EFHD2: variants seen among roughly 807,000 people sequenced by gnomAD.
EFHD2 encodes the protein EF-hand domain family member D2, also known as EF-hand domain-containing protein D2.
In EFHD2, 12 loss-of-function variants were observed where a neutral mutation model predicts 20.3. The ratio of observed to expected loss-of-function variants is 0.59; its 90% CI spans 0.38 to 0.96. The LOEUF is 0.96. EFHD2 is among the 40% of genes least tolerant of loss of function. The probability of loss-of-function intolerance (pLI) is 0.00; values close to 1 mark genes in which losing one functional copy is unlikely to be tolerated. For synonymous variants in EFHD2, 131 were observed against 143.9 expected (o/e 0.91, Z 0.64); for missense variants, 250 against 334.3 (o/e 0.75, Z 1.97).
At chr1:15,418,580 C>T (rs1355103100) in intron 1 of EFHD2, among the ~76,000 whole-genome samples, 1 of 152,108 alleles carries the variant, frequency 6.6e-6, no homozygotes, top group Non-Finnish European at 1.5e-5. Flanking sequence ...GCTGGGATTA[C>T]AGGCGGGAGC....
In EFHD2 at chr1:15,415,088, T is replaced by G. The variant is rs1707635118; in HGVS notation, c.308+4809T>G. 1.3e-5 allele frequency among the ~76,000 whole-genome samples: 2 copies of G among 152,190 alleles called. 1 individual carries two copies. The highest frequency in any genetic ancestry group is 4.8e-5 in the African/African-American group (2 of 41,444). On this transcript the variant is annotated intron_variant, in intron 1 of 3. Coordinates refer to ENST00000375980, the MANE Select transcript of EFHD2 (RefSeq NM_024329.6). Reference sequence around the variant, plus strand: ...GGCTGTTTGCATGATAGATGATGTTTTTGAAAAATACAAGGTTCTCGTATG... The same window carrying G: ...GGCTGTTTGCATGATAGATGATGTTGTTGAAAAATACAAGGTTCTCGTATG...
At position 15,427,261 on chromosome 1, in the gene EFHD2, G is replaced by T. The variant is rs1707887741; in HGVS notation, c.568G>T (p.Ala190Ser). ...CGTCTCCAGTGAGGGTGTCAAGGGGGCCAAGAGCTTCTTTGAGGCCAAGGT... is the reference window on the plus strand; with the variant it reads ...CGTCTCCAGTGAGGGTGTCAAGGGGTCCAAGAGCTTCTTTGAGGCCAAGGT... ...IDVSSEGVKG[A>S]KSFFEAKVQA... is the part of the protein sequence containing the mutation. Residue 190 changes from alanine (A) to serine (S), a missense_variant, in exon 3 of 4, where the codon GCC becomes TCC. Physicochemically the swap from Ala to Ser is moderately conservative, Grantham distance 99. Coordinates refer to ENST00000375980, the MANE Select transcript of EFHD2 (RefSeq NM_024329.6). 1 of 1,607,216 alleles carries T rather than the reference G, an allele frequency of 6.2e-7. No homozygotes were observed. The highest frequency in any genetic ancestry group is 1.3e-5 in the African/African-American group (1 of 75,030).
At chr1:15,412,096 A>T (rs926679877) in intron 1 of EFHD2, among the ~76,000 whole-genome samples, 1 of 151,946 alleles carries the variant, frequency 6.6e-6, no homozygotes, top group Admixed American at 6.6e-5. Context: ...AGAAAGTCCC[A>T]GGGCGCCCAC....
chr1:15,420,629 C>G (rs1156659795), intron 1 of EFHD2, among the ~76,000 whole-genome samples: 1 of 152,178 alleles, frequency 6.6e-6, no homozygotes, highest in Non-Finnish European at 1.5e-5. Context: ...AAGCAATTCT[C>G]CTGACTCAGC....
rs187596508 is a variant in EFHD2 at position 15,411,000 on chromosome 1, C to G, written c.308+721C>G. Among the ~76,000 whole-genome samples the G allele has an allele frequency of 3.0e-3, 453 of 152,120 alleles. 12 individuals carry two copies. Among genetic ancestry groups the G allele is most frequent in the Admixed American group, 0.025 (375 of 15,290 alleles). On this transcript the variant is annotated intron_variant, in intron 1 of 3. Coordinates refer to ENST00000375980, the MANE Select transcript of EFHD2 (RefSeq NM_024329.6). The stretch of plus-strand genomic sequence containing the variant: ...CAAATCCTTCACTCACAAGTGGTCT[C>G]CTTAGGAAGGGACCCCTCGGCCCCT...
intron 1 of EFHD2, among the ~76,000 whole-genome samples, chr1:15,414,853 G>A (rs990344560): frequency 1.3e-5 from 2 of 152,126 alleles, no homozygotes; most frequent in Non-Finnish European, 2.9e-5. Flanking sequence ...GAAGGCAGGT[G>A]GCACAAAAAA....
chr1:15,427,142 C>T lies in EFHD2; in HGVS notation c.457-8C>T, dbSNP rs530913208. 1.9e-5 allele frequency: 31 copies of T among 1,611,286 alleles called. No individual in the cohort carries two copies. Among genetic ancestry groups the T allele is most frequent in the East Asian group, 1.6e-4 (7 of 44,836 alleles). ...TCCTGACACCGCGCGCCTCCCTCCC[C>T]GCTGCAGTTCCTCCTGATCTTCCGC... On this transcript the variant is annotated splice_polypyrimidine_tract_variant and splice_region_variant and intron_variant, in intron 2 of 3. Coordinates refer to ENST00000375980, the MANE Select transcript of EFHD2 (RefSeq NM_024329.6).
At chr1:15,420,139 G>A (rs1362863523) in intron 1 of EFHD2, among the ~76,000 whole-genome samples, 1 of 152,230 alleles carries the variant, frequency 6.6e-6, no homozygotes, top group Non-Finnish European at 1.5e-5. Flanking sequence ...GCCTGTGGCA[G>A]AAGCCAGTGT....
At position 15,422,084 on chromosome 1, in the gene EFHD2, C is replaced by CT. The variant is rs1557500519; in HGVS notation, c.309-3787_309-3786insT. Among the ~76,000 whole-genome samples the CT allele has an allele frequency of 7.5e-3, 969 of 128,346 alleles. 10 individuals are homozygous for CT. Among genetic ancestry groups the CT allele is most frequent in the African/African-American group, 0.025 (864 of 34,714 alleles). The allele number at this position is 128,346 out of a possible 152,430, so 84.2% of individuals were successfully genotyped here. ...ACTGGCACTTGGGGCCAGGTCATTC[C>CT]ATTTTTTTTTTTTTTTTTTTTTTTT... On this transcript the variant is annotated intron_variant, in intron 1 of 3. Coordinates refer to ENST00000375980, the MANE Select transcript of EFHD2 (RefSeq NM_024329.6).
chr1:15,427,037 C>T (rs1707882009), intron 2 of EFHD2, 113 bp from the exon 3 acceptor site: 2 of 1,426,560 alleles, frequency 1.4e-6, no homozygotes, highest in South Asian at 1.4e-5. Context: ...CTCACTGCCC[C>T]CCAGTCCTTC....
chr1:15,428,486 G>A, intron 3 of EFHD2, 107 bp from the exon 4 acceptor site: 1 of 1,390,300 alleles, frequency 7.2e-7, no homozygotes, highest in Non-Finnish European at 9.6e-7. Flanking sequence ...GACAGAGCGA[G>A]ACTTTGTCTC....
chr1:15,428,553 A>G, intron 3 of EFHD2, 40 bp from the exon 4 acceptor site: 1 of 1,595,280 alleles, frequency 6.3e-7, no homozygotes, highest in Non-Finnish European at 8.5e-7. Context: ...CCCAACATAC[A>G]CCATCCAGCC....
rs935894510 is a variant in EFHD2 at position 15,413,865 on chromosome 1, C to T, written c.308+3586C>T. 1.3e-5 allele frequency among the ~76,000 whole-genome samples: 2 copies of T among 152,206 alleles called. No individual in the cohort carries two copies. The highest frequency in any genetic ancestry group is 2.4e-5 in the African/African-American group (1 of 41,440). On this transcript the variant is annotated intron_variant, in intron 1 of 3. Transcript: ENST00000375980. The surrounding 1 kb of genome is among the most constrained non-coding windows in gnomAD (Gnocchi z 4.4). ...GGAGGCTCTGCGTCTCCCTGGCCCT[C>T]GCAGCCAGGACTCTCCATCCCCGTC...
Position 15,428,622 on chromosome 1 carries a change from CGAG to C in EFHD2, c.628_630del (p.Glu210del), listed in dbSNP as rs1557503299. ...AGGCCATCAACGTGTCCAGCCGCTT[CGAG>C]GAGGAGATCAAGGCAGAGCAGGAGG... On this transcript the variant is annotated inframe_deletion, in exon 4 of 4. Coordinates refer to ENST00000375980, the MANE Select transcript of EFHD2 (RefSeq NM_024329.6). 6.8e-6 allele frequency: 11 copies of C among 1,611,250 alleles called. No individual in the cohort carries two copies. Among genetic ancestry groups the C allele is most frequent in the Admixed American group, 1.7e-5 (1 of 59,804 alleles).
At chr1:15,417,424 T>C (rs529048726) in intron 1 of EFHD2, among the ~76,000 whole-genome samples, 1 of 152,192 alleles carries the variant, frequency 6.6e-6, no homozygotes, top group Non-Finnish European at 1.5e-5. Flanking sequence ...GTGCCGTGGG[T>C]GCGGTGTGAG....
chr1:15,428,638 G>A lies in EFHD2; in HGVS notation c.637G>A (p.Ala213Thr), dbSNP rs1233475139. ...VSSRFEEEIK[A>T]EQEERKKQAE... ...CAGCCGCTTCGAGGAGGAGATCAAGGCAGAGCAGGAGGAAAGGAAGAAGCA... is the reference window on the plus strand; with the variant it reads ...CAGCCGCTTCGAGGAGGAGATCAAGACAGAGCAGGAGGAAAGGAAGAAGCA... Residue 213 changes from alanine to threonine, a missense_variant, in exon 4 of 4, where the codon GCA becomes ACA. This residue lies in a region of EFHD2 where 100 missense variants were observed against 116.2 expected (regional missense o/e 0.86). Coordinates refer to ENST00000375980, the MANE Select transcript of EFHD2 (RefSeq NM_024329.6). 1.9e-6 allele frequency: 3 copies of A among 1,610,894 alleles called. No individual in the cohort carries two copies. Among genetic ancestry groups the A allele is most frequent in the Non-Finnish European group, 2.5e-6 (3 of 1,179,092 alleles).
intron 1 of EFHD2, among the ~76,000 whole-genome samples, chr1:15,425,469 G>A (rs896300459): frequency 1.3e-5 from 2 of 151,762 alleles, no homozygotes; most frequent in African/African-American, 2.4e-5. Context: ...AGGCTGCAGC[G>A]AGCCGAGATT....
chr1:15,424,067 C>T (rs561504136), intron 1 of EFHD2, among the ~76,000 whole-genome samples: 1 of 152,098 alleles, frequency 6.6e-6, no homozygotes, highest in Admixed American at 6.6e-5. Context: ...TGGCATGCAC[C>T]TGCAGTCCCA....
chr1:15,428,305 T>C (rs1455909043), intron 3 of EFHD2, among the ~76,000 whole-genome samples: 1 of 152,094 alleles, frequency 6.6e-6, no homozygotes, highest in Non-Finnish European at 1.5e-5. Flanking sequence ...TCAGCTAACA[T>C]GGCCAACATG....
Sources: gnomAD v4.1 joint callset for allele counts (sites outside exome capture counted in the v4.1 genomes callset) on GRCh38, gnomAD v4.1.1 for gene constraint, gnomAD v4.1.1 regional missense constraint, Gnocchi (gnomAD v3.1) non-coding constraint, MANE v1.5 for transcripts, NCBI Gene and HGNC (gene_info 2026-07-23, HGNC 2026-07-21) for gene names.